SERGEF: variants seen among roughly 807,000 people sequenced by gnomAD.
The protein encoded by SERGEF is secretion-regulating guanine nucleotide exchange factor.
In SERGEF, 51 loss-of-function variants were observed where a neutral mutation model predicts 50.0. That is an observed-to-expected ratio of 1.02 (90% CI 0.81 to 1.29). The LOEUF (loss-of-function observed/expected upper bound fraction) is 1.29. Among genes scored for constraint, SERGEF ranks in the 50% most tolerant of loss-of-function variants. SERGEF has a pLI of 0.00. For synonymous variants in SERGEF, 205 were observed against 212.4 expected (o/e 0.97, Z 0.30); for missense variants, 521 against 557.0 (o/e 0.94, Z 0.65).
chr11:17,973,253 C>T (rs1166626764), intron 8 of SERGEF, among the ~76,000 whole-genome samples: 1 of 152,182 alleles, frequency 6.6e-6, no homozygotes, highest in African/African-American at 2.4e-5. Context: ...CTGCAGACCA[C>T]CCTAAGGTCC....
At chr11:17,845,442 C>T (rs2133866470) in intron 10 of SERGEF, among the ~76,000 whole-genome samples, 2 of 152,276 alleles carry the variant, frequency 1.3e-5, no homozygotes, top group Admixed American at 1.3e-4. Context: ...GGCACAGCAG[C>T]AGTGCTGAGT....
chr11:17,926,465 C>T (rs1334487716), intron 9 of SERGEF, among the ~76,000 whole-genome samples: 1 of 152,188 alleles, frequency 6.6e-6, no homozygotes, highest in East Asian at 1.9e-4. Context: ...CCTGGCTCCA[C>T]GTCCACACCA....
At chr11:17,959,296 C>G (rs1852942278) in intron 9 of SERGEF, among the ~76,000 whole-genome samples, 174 bp downstream of exon 9, 1 of 152,236 alleles carries the variant, frequency 6.6e-6, no homozygotes, top group Admixed American at 6.5e-5. Flanking sequence ...GTACAGTTAT[C>G]TGGGTGACTG....
intron 8 of SERGEF, among the ~76,000 whole-genome samples, chr11:17,973,918 T>C (rs1853308413): frequency 6.6e-6 from 1 of 152,084 alleles, no homozygotes; most frequent in Non-Finnish European, 1.5e-5. Context: ...GAGGAGAACA[T>C]ACAATGTTCA....
chr11:17,911,484 GTCTT>G (rs1269757592), intron 9 of SERGEF, among the ~76,000 whole-genome samples: 2 of 150,704 alleles, frequency 1.3e-5, no homozygotes, highest in Non-Finnish European at 1.5e-5. Context: ...TTTTGAGACA[GTCTT>G]TCTTTGTCAC....
intron 10 of SERGEF, among the ~76,000 whole-genome samples, chr11:17,870,697 A>C (rs904501799): frequency 6.6e-6 from 1 of 152,246 alleles, no homozygotes; most frequent in Non-Finnish European, 1.5e-5. Context: ...AAAAGAGAAA[A>C]TACAAATAGT....
At chr11:17,935,256 ATTGC>A (rs1427589759) in intron 9 of SERGEF, among the ~76,000 whole-genome samples, 1 of 152,230 alleles carries the variant, frequency 6.6e-6, no homozygotes, top group Non-Finnish European at 1.5e-5. Flanking sequence ...AGGCAGGAGG[ATTGC>A]TTGAGGCCAG....
At chr11:18,008,128 T>C (rs772810632) in intron 1 of SERGEF, 52 bp from the exon 2 acceptor site, 3 of 1,575,448 alleles carry the variant, frequency 1.9e-6, no homozygotes, top group African/African-American at 1.3e-5. Context: ...CAACTGTCAA[T>C]GTCTATTTAC....
chr11:17,896,829 C>T (rs146929187), intron 9 of SERGEF, among the ~76,000 whole-genome samples: 1 of 32,582 alleles, frequency 3.1e-5, no homozygotes, highest in Non-Finnish European at 6.1e-5. Context: ...GGAAGGGTAA[C>T]GGAAGGGTAA....
chr11:17,977,975 C>T (rs371427127), intron 8 of SERGEF, among the ~76,000 whole-genome samples: 1 of 152,194 alleles, frequency 6.6e-6, no homozygotes, highest in East Asian at 1.9e-4. Flanking sequence ...TAGTCAATTG[C>T]TACATTTCCC....
intron 3 of SERGEF, among the ~76,000 whole-genome samples, chr11:18,005,038 TG>T (rs1344253047): frequency 1.2e-4 from 18 of 152,170 alleles, no homozygotes; most frequent in Non-Finnish European, 2.9e-5. Context: ...CCTAGAGATT[TG>T]GGGGTAAGTT....
At chr11:17,865,855 G>A (rs944456162) in intron 10 of SERGEF, among the ~76,000 whole-genome samples, 1 of 152,142 alleles carries the variant, frequency 6.6e-6, no homozygotes, top group African/African-American at 2.4e-5. Flanking sequence ...CAGCCTAAGT[G>A]TATAGTGTTT....
At chr11:17,988,480 A>T in intron 8 of SERGEF, 117 bp downstream of exon 8, 1 of 938,496 alleles carries the variant, frequency 1.1e-6, no homozygotes, top group Non-Finnish European at 1.6e-6. Flanking sequence ...CAGTATCCCC[A>T]TCTCTGATCT....
At chr11:17,815,651 T>A (rs1022315138) in intron 10 of SERGEF, among the ~76,000 whole-genome samples, 1 of 150,748 alleles carries the variant, frequency 6.6e-6, no homozygotes, top group African/African-American at 2.4e-5. Context: ...CGGCCGGGCT[T>A]GGTAGCTCAC....
rs140952730 is a variant in SERGEF, at chr11:17,877,065, A to G, written c.1048+1143T>C. Among the ~76,000 whole-genome samples, 6 of 152,380 alleles carry G rather than the reference A, an allele frequency of 3.9e-5. No individual in the cohort carries two copies. The East Asian group carries it at 1.2e-3, about 29-fold the overall frequency. ...TACTGCCACCCCAGGCAGCTGAGCC[A>G]GTCCAGCTCAATTCAGAAAAGAATG... On this transcript the variant is annotated intron_variant, in intron 10 of 10. Transcript: ENST00000265965.
chr11:17,820,012 A>C (rs945596125), intron 10 of SERGEF, among the ~76,000 whole-genome samples: 3 of 152,102 alleles, frequency 2.0e-5, no homozygotes, highest in African/African-American at 7.2e-5. Flanking sequence ...TAATTAAAAA[A>C]AAATTTTTTT....
chr11:18,010,282 T>C, intron 1 of SERGEF: 2 of 282,726 alleles, frequency 7.1e-6, no homozygotes, highest in Non-Finnish European at 6.8e-6. Context: ...GAGTAAGCCA[T>C]AGCAGGGGCA....
intron 8 of SERGEF, among the ~76,000 whole-genome samples, chr11:17,963,058 C>T (rs1434375564): frequency 5.3e-5 from 8 of 151,318 alleles, no homozygotes; most frequent in African/African-American, 9.7e-5. Context: ...GGCCCACGAC[C>T]GTAGTCCCAG....
In SERGEF at chr11:17,906,519, G is replaced by A. The variant is rs549142763; in HGVS notation, c.1012-28275C>T. Among the ~76,000 whole-genome samples, 28 of 152,260 alleles carry A rather than the reference G, an allele frequency of 1.8e-4. No individual in the cohort carries two copies. The East Asian group carries it at 2.9e-3, about 16-fold the overall frequency. Reference sequence around the variant, plus strand: ...TGGGGGTTGCAGCACAGAGCTAAGTGGGGGTGGGGCGCTTGGTGGCTCAGG... The same window carrying A: ...TGGGGGTTGCAGCACAGAGCTAAGTAGGGGTGGGGCGCTTGGTGGCTCAGG... On this transcript the variant is annotated intron_variant, in intron 9 of 10. Coordinates refer to ENST00000265965, the MANE Select transcript of SERGEF (RefSeq NM_012139.4).
Sources: allele counts gnomAD v4.1 joint callset (sites outside exome capture counted in the v4.1 genomes callset), GRCh38; gene constraint gnomAD v4.1.1; transcripts MANE v1.5; gene names NCBI Gene and HGNC (gene_info 2026-07-23, HGNC 2026-07-21).